The following CWF19L2 variants were observed in gnomAD, a reference collection of about 807,000 sequenced individuals.
The protein encoded by CWF19L2 is CWF19-like protein 2.
Under a neutral mutation model 111.7 loss-of-function variants are expected in CWF19L2, and 98 were observed. The ratio of observed to expected loss-of-function variants is 0.88; its 90% CI spans 0.75 to 1.04. The LOEUF (loss-of-function observed/expected upper bound fraction) is 1.04, where lower values mean the gene tolerates loss of function less well. Among genes scored for constraint, CWF19L2 ranks in the 50% least tolerant of loss-of-function variants. The pLI is 0.00. For synonymous variants in CWF19L2, 351 were observed against 342.9 expected (o/e 1.02, Z -0.26); for missense variants, 1,101 against 1,051.4 (o/e 1.05, Z -0.65).
intron 10 of CWF19L2, among the ~76,000 whole-genome samples, chr11:107,399,852 A>T (rs1860975526): frequency 6.6e-6 from 1 of 152,176 alleles, no homozygotes; most frequent in African/African-American, 2.4e-5. Context: ...AGAAAATTGA[A>T]ACTATATCAA....
chr11:107,377,931 A>C (rs1860618108), intron 12 of CWF19L2, among the ~76,000 whole-genome samples: 1 of 151,740 alleles, frequency 6.6e-6, no homozygotes, highest in East Asian at 1.9e-4. Flanking sequence ...AAAAAAACAA[A>C]CAACCCCATC....
intron 10 of CWF19L2, among the ~76,000 whole-genome samples, chr11:107,397,766 T>C (rs912753758): frequency 2.6e-5 from 4 of 152,180 alleles, no homozygotes; most frequent in Non-Finnish European, 5.9e-5. Flanking sequence ...CGGAGTTCAC[T>C]GCACCCTCTG....
Position 107,336,638 on chromosome 11 carries a change from T to C in CWF19L2, c.2278A>G (p.Met760Val), listed in dbSNP as rs776220412. 8 of 1,603,346 alleles carry C rather than the reference T, an allele frequency of 5.0e-6. No homozygotes were observed. In the East Asian group the frequency reaches 1.1e-4, roughly 22 times the overall value. The change falls in exon 15 of 18, where the codon ATG (methionine) becomes GTG (valine). Residue 760 changes from methionine to valine, a missense_variant. Transcript: ENST00000282251. Reference sequence around the variant, plus strand: ...TAAACCATGTGATACTGTTTCTTCATGCTCATATTAGTTTCCAAAAAAATG... The same window carrying C: ...TAAACCATGTGATACTGTTTCTTCACGCTCATATTAGTTTCCAAAAAAATG... The part of the protein sequence containing the change: ...DCIFLETNMS[M>V]KKQYHMVYEC...
chr11:107,394,843 T>C (rs773033344), intron 10 of CWF19L2, among the ~76,000 whole-genome samples: 2 of 152,088 alleles, frequency 1.3e-5, no homozygotes, highest in Non-Finnish European at 2.9e-5. Flanking sequence ...CAAAAAAAAT[T>C]CACCGTGTTA....
chr11:107,358,210 T>C (rs1027697782), intron 12 of CWF19L2, among the ~76,000 whole-genome samples: 4 of 152,138 alleles, frequency 2.6e-5, no homozygotes, highest in African/African-American at 7.2e-5. Context: ...TCAATATAGA[T>C]TAATTAATAA....
At chr11:107,402,873 G>GTGTATATATATATATATATATATATA (rs1247886311) in intron 10 of CWF19L2, among the ~76,000 whole-genome samples, 17 of 94,432 alleles carry the variant, frequency 1.8e-4, no homozygotes, top group African/African-American at 7.2e-4. Context: ...ACTGTGGTGT[G>GTGTATATATATATATATATATATATA]TATATATATA....
intron 12 of CWF19L2, among the ~76,000 whole-genome samples, chr11:107,383,684 G>A (rs1040541371): frequency 6.6e-6 from 1 of 151,856 alleles, no homozygotes; most frequent in African/African-American, 2.4e-5. Context: ...AAATACAACT[G>A]GAAAGAACAT....
chr11:107,369,075 A>G lies in CWF19L2; in HGVS notation c.1873-15339T>C, dbSNP rs139118758. Among the ~76,000 whole-genome samples the G allele has an allele frequency of 2.1e-4, 29 of 137,352 alleles. 7 individuals carry two copies. In the East Asian group the frequency reaches 5.9e-3, roughly 28 times the overall value. The allele number at this position is 137,352 out of a possible 152,430, so 90.1% of individuals were successfully genotyped here. A position where few individuals can be genotyped will look rare whatever the true frequency, so the allele number is the denominator to read the frequency against. The stretch of plus-strand genomic sequence containing the variant: ...ATTGGCCTTTCTTCCCTTTCCAGCA[A>G]CTCCTCCAAATCAGAATTTAGCTTG... On this transcript the variant is annotated intron_variant, in intron 12 of 17. Coordinates refer to ENST00000282251, the MANE Select transcript of CWF19L2 (RefSeq NM_152434.3).
chr11:107,388,335 T>G (rs1486071966), intron 12 of CWF19L2, among the ~76,000 whole-genome samples: 1 of 152,208 alleles, frequency 6.6e-6, no homozygotes, highest in Non-Finnish European at 1.5e-5. Flanking sequence ...AAATGGTATC[T>G]GACACTAATT....
intron 12 of CWF19L2, among the ~76,000 whole-genome samples, chr11:107,388,096 T>C (rs895327752): frequency 6.6e-5 from 10 of 152,192 alleles, no homozygotes; most frequent in Admixed American, 5.2e-4. Context: ...ACTCACTTTT[T>C]TCAGTCTGAT....
At chr11:107,370,266 G>C (rs1201069167) in intron 12 of CWF19L2, among the ~76,000 whole-genome samples, 1 of 137,070 alleles carries the variant, frequency 7.3e-6, no homozygotes, top group Non-Finnish European at 1.6e-5. Context: ...AAACAGATAT[G>C]CTCAATAAAT....
chr11:107,390,443 A>C (rs1202712261), intron 11 of CWF19L2, among the ~76,000 whole-genome samples: 2 of 152,144 alleles, frequency 1.3e-5, no homozygotes, highest in African/African-American at 4.8e-5. Flanking sequence ...GAAGCATGAT[A>C]TGATCTGCTT....
chr11:107,390,879 C>T (rs2134594812), intron 11 of CWF19L2, among the ~76,000 whole-genome samples: 1 of 152,262 alleles, frequency 6.6e-6, no homozygotes, highest in East Asian at 1.9e-4. Context: ...AAGGCAGACC[C>T]ACCCTCAGTG....
chr11:107,455,855 T>C (rs1461634236), intron 1 of CWF19L2, 79 bp from the exon 2 acceptor site: 2 of 783,544 alleles, frequency 2.6e-6, no homozygotes, highest in African/African-American at 1.8e-5. Flanking sequence ...CAAAAACCTC[T>C]GTCATTTTTA....
intron 10 of CWF19L2, among the ~76,000 whole-genome samples, chr11:107,408,777 T>C (rs149875624): frequency 6.6e-6 from 1 of 151,968 alleles, no homozygotes; most frequent in East Asian, 1.9e-4. Context: ...AAGGAAATAA[T>C]ATTTTTGCAT....
chr11:107,380,629 G>A (rs781286036), intron 12 of CWF19L2, among the ~76,000 whole-genome samples: 7 of 152,222 alleles, frequency 4.6e-5, no homozygotes, highest in Non-Finnish European at 1.0e-4. Context: ...CCTAGTGGGA[G>A]TGTAAAATTG....
chr11:107,345,910 T>C (rs1048690003), intron 14 of CWF19L2, among the ~76,000 whole-genome samples: 4 of 152,212 alleles, frequency 2.6e-5, no homozygotes, highest in African/African-American at 7.2e-5. Context: ...TCCCATGTTA[T>C]GGAGATGACA....
At chr11:107,423,895 T>C (rs1861337067) in intron 8 of CWF19L2, among the ~76,000 whole-genome samples, 4 of 151,050 alleles carry the variant, frequency 2.6e-5, no homozygotes, top group South Asian at 4.2e-4. Context: ...CAAATGTCAA[T>C]ATGACAATAG....
At chr11:107,375,903 T>C (rs111709383) in intron 12 of CWF19L2, among the ~76,000 whole-genome samples, 1 of 50,412 alleles carries the variant, frequency 2.0e-5, no homozygotes. Context: ...AAGAATCAAA[T>C]AGACGCAATA....
Sources: allele counts gnomAD v4.1 joint callset (sites outside exome capture counted in the v4.1 genomes callset), GRCh38; gene constraint gnomAD v4.1.1; transcripts MANE v1.5; gene names NCBI Gene and HGNC (gene_info 2026-07-23, HGNC 2026-07-21).